The following CTNNA3 variants were observed in gnomAD, a reference collection of about 807,000 sequenced individuals.
The protein encoded by CTNNA3 is catenin alpha-3.
CTNNA3 carries 76 observed loss-of-function variants against 95.7 expected under a neutral mutation model. The ratio of observed to expected loss-of-function variants is 0.79; its 90% CI spans 0.66 to 0.96. The LOEUF is 0.96. CTNNA3 is among the 40% of genes least tolerant of loss of function. CTNNA3 has a pLI of 0.00. For missense variants in CTNNA3, 1,191 were observed against 1,089.8 expected (o/e 1.09, Z -1.31); for synonymous variants, 431 against 374.4 (o/e 1.15, Z -1.74).
At chr10:66,644,462 T>A (rs1845632187) in intron 9 of CTNNA3, among the ~76,000 whole-genome samples, 1 of 105,824 alleles carries the variant, frequency 9.4e-6, no homozygotes, top group Non-Finnish European at 1.8e-5. Context: ...AATATGTATA[T>A]ATATATATAT....
At chr10:67,661,322 G>T (rs1840182695) in intron 1 of CTNNA3, among the ~76,000 whole-genome samples, 1 of 151,886 alleles carries the variant, frequency 6.6e-6, no homozygotes, top group Non-Finnish European at 1.5e-5. Context: ...AGGAAGGAAG[G>T]AAGGGAAGAA....
chr10:66,556,333 A>G (rs1842388039), intron 10 of CTNNA3, among the ~76,000 whole-genome samples: 1 of 152,092 alleles, frequency 6.6e-6, no homozygotes, highest in East Asian at 1.9e-4. Context: ...AAATAGAACT[A>G]CCATATGATC....
Position 66,876,280 on chromosome 10 carries a change from G to A in CTNNA3, c.1048-100756C>T, listed in dbSNP as rs181121777. On this transcript the variant is annotated intron_variant, in intron 7 of 17. Coordinates refer to ENST00000433211, the MANE Select transcript of CTNNA3 (RefSeq NM_013266.4). ...TAAACAGAAAACTGAGCATATATTAGGATAAACAACGAAACAGAAAGTGCT... is the reference window on the plus strand; with the variant it reads ...TAAACAGAAAACTGAGCATATATTAAGATAAACAACGAAACAGAAAGTGCT... 1.4e-3 allele frequency among the ~76,000 whole-genome samples: 220 copies of A among 152,026 alleles called. 1 individual carries two copies. The highest frequency in any genetic ancestry group is 5.2e-3 in the African/African-American group (215 of 41,496).
chr10:66,728,328 T>A (rs1848842025), intron 9 of CTNNA3, among the ~76,000 whole-genome samples: 1 of 152,232 alleles, frequency 6.6e-6, no homozygotes, highest in African/African-American at 2.4e-5. Flanking sequence ...CTCTGGATAT[T>A]AGACCTTTGT....
intron 13 of CTNNA3, among the ~76,000 whole-genome samples, chr10:66,198,786 A>G (rs2087126302): frequency 6.6e-6 from 1 of 152,224 alleles, no homozygotes; most frequent in Non-Finnish European, 1.5e-5. Flanking sequence ...TTTATGTAAT[A>G]TATTTTCCAA....
chr10:67,720,129 C>CTTT (rs58074397), intron 1 of CTNNA3, among the ~76,000 whole-genome samples: 171 of 6,602 alleles, frequency 0.026, 74 homozygotes, highest in African/African-American at 0.089. Context: ...GCAACCCCTG[C>CTTT]TTTTTTTTTT....
chr10:66,639,260 T>A (rs1411959000), intron 9 of CTNNA3, among the ~76,000 whole-genome samples: 1 of 152,144 alleles, frequency 6.6e-6, no homozygotes, highest in East Asian at 1.9e-4. Flanking sequence ...TTACAGTGAG[T>A]ATTTAAGATA....
At chr10:67,547,800 TA>T (rs1840891425) in intron 3 of CTNNA3, among the ~76,000 whole-genome samples, 1 of 152,098 alleles carries the variant, frequency 6.6e-6, no homozygotes, top group Admixed American at 6.5e-5. Context: ...ATCCAACAAA[TA>T]AAACATTTAG....
intron 5 of CTNNA3, among the ~76,000 whole-genome samples, chr10:67,486,003 T>G (rs762572092): frequency 1.3e-5 from 2 of 152,336 alleles, no homozygotes; most frequent in Non-Finnish European, 2.9e-5. Flanking sequence ...TAGAAGCCTT[T>G]TATGTTATAA....
chr10:67,098,057 T>C (rs1367450301), intron 7 of CTNNA3: 8 of 451,202 alleles, frequency 1.8e-5, no homozygotes, highest in Non-Finnish European at 3.2e-5. Context: ...TCTTTTTTTT[T>C]CAAAACTCAT....
In CTNNA3 at chr10:67,424,261, T is replaced by A. The variant is rs140405754; in HGVS notation, c.579+97581A>T. Among the ~76,000 whole-genome samples the A allele has an allele frequency of 6.5e-3, 992 of 152,258 alleles. 13 individuals are homozygous for A. Among genetic ancestry groups the A allele is most frequent in the African/African-American group, 0.022 (923 of 41,558 alleles). ...ACCCCAACTGTCTTTGACAATAGAT[T>A]TTAAAAGATAATAAAATTCTTCAAC... is the stretch of plus-strand genomic sequence containing the variant. On this transcript the variant is annotated intron_variant, in intron 5 of 17. Coordinates refer to ENST00000433211, the MANE Select transcript of CTNNA3 (RefSeq NM_013266.4).
At chr10:66,639,178 G>T (rs2894007) in intron 9 of CTNNA3, among the ~76,000 whole-genome samples, 101,104 of 151,860 alleles carry the variant, frequency 0.67, 34,604 homozygotes, top group East Asian at 0.95. Flanking sequence ...AAGCCTCAAA[G>T]GCTATGGTAC....
At chr10:66,692,323 C>T (rs1053707874) in intron 9 of CTNNA3, among the ~76,000 whole-genome samples, 1 of 152,090 alleles carries the variant, frequency 6.6e-6, no homozygotes, top group African/African-American at 2.4e-5. Context: ...AATGCAGAAG[C>T]CTCAGAGCCG....
chr10:67,652,706 T>C (rs1457938117), intron 1 of CTNNA3, among the ~76,000 whole-genome samples: 1 of 131,036 alleles, frequency 7.6e-6, no homozygotes, highest in Non-Finnish European at 1.5e-5. Flanking sequence ...AATTATAACA[T>C]TTTTGTTTTT....
chr10:66,898,500 A>C (rs1845592086), intron 7 of CTNNA3, among the ~76,000 whole-genome samples: 1 of 152,172 alleles, frequency 6.6e-6, no homozygotes, highest in Non-Finnish European at 1.5e-5. Context: ...AACAAACAAA[A>C]AACAGACAGA....
intron 7 of CTNNA3, among the ~76,000 whole-genome samples, chr10:67,050,884 G>A (rs1376282615): frequency 4.0e-4 from 61 of 152,154 alleles, no homozygotes; most frequent in Admixed American, 3.7e-3. Context: ...ACTTACATAC[G>A]TAGCACAAAT....
At chr10:66,153,189 T>C (rs568810977) in intron 13 of CTNNA3, among the ~76,000 whole-genome samples, 4 of 152,006 alleles carry the variant, frequency 2.6e-5, no homozygotes, top group Non-Finnish European at 5.9e-5. Flanking sequence ...ATATTTTCAA[T>C]TTCTTTACTG....
At chr10:66,388,881 G>A (rs940745417) in intron 11 of CTNNA3, among the ~76,000 whole-genome samples, 9 of 152,018 alleles carry the variant, frequency 5.9e-5, no homozygotes, top group South Asian at 4.1e-4. Context: ...ACAACTATTT[G>A]CATGAAGCTC....
rs61603392 is a variant in CTNNA3, at chr10:67,143,425, T to TAAAAAAAAAAA, written c.1047+36881_1047+36891dup. Reference sequence around the variant, plus strand: ...TGGGTGACTGAGCAAGGCTCTGTCTTAAAAAAAAAAAAAAAAAAAAAATTA... The same window carrying TAAAAAAAAAAA: ...TGGGTGACTGAGCAAGGCTCTGTCTTAAAAAAAAAAAAAAAAAAAAAAAAAAAAAAAAATTA... On this transcript the variant is annotated intron_variant, in intron 7 of 17. Coordinates refer to ENST00000433211, the MANE Select transcript of CTNNA3 (RefSeq NM_013266.4). Among the ~76,000 whole-genome samples, 277 of 75,940 alleles carry TAAAAAAAAAAA rather than the reference T, an allele frequency of 3.6e-3. 14 individuals carry two copies. The highest frequency in any genetic ancestry group is 7.6e-3 in the African/African-American group (155 of 20,490). The allele number at this position is 75,940 out of a possible 152,430, so 49.8% of individuals were successfully genotyped here.
Sources: gnomAD v4.1 joint callset for allele counts (sites outside exome capture counted in the v4.1 genomes callset) on GRCh38, gnomAD v4.1.1 for gene constraint, MANE v1.5 for transcripts, NCBI Gene and HGNC (gene_info 2026-07-23, HGNC 2026-07-21) for gene names.